SNW1: variants seen among roughly 807,000 people sequenced by gnomAD.
The protein encoded by SNW1 is SNW domain containing 1, also known as SNW domain-containing protein 1.
In SNW1, 9 loss-of-function variants were observed where a neutral mutation model predicts 75.6. The observed-to-expected ratio is 0.12, with a 90% CI of 0.07 to 0.21. The LOEUF (loss-of-function observed/expected upper bound fraction) is 0.21. Among genes scored for constraint, SNW1 ranks in the 10% least tolerant of loss-of-function variants. The probability of loss-of-function intolerance (pLI) is 1.00; values close to 1 mark genes in which losing one functional copy is unlikely to be tolerated. For missense variants in SNW1, 409 were observed against 670.9 expected, an observed-to-expected ratio of 0.61 and a Z score of 4.31; for synonymous variants, 200 against 219.1, an observed-to-expected ratio of 0.91 and a Z score of 0.77.
chr14:77,751,219 AC>A (rs1805236930), intron 3 of SNW1, 99 bp downstream of exon 3: 1 of 1,247,290 alleles, frequency 8.0e-7, no homozygotes, highest in African/African-American at 1.5e-5. Flanking sequence ...AGCCACTGCT[AC>A]TTTTAACATA....
At chr14:77,738,527 C>T (rs1360075878) in intron 5 of SNW1, among the ~76,000 whole-genome samples, 1 of 152,122 alleles carries the variant, frequency 6.6e-6, no homozygotes, top group African/African-American at 2.4e-5. Context: ...CTGCAGTGAG[C>T]TGTGTTGGTG....
chr14:77,730,980 T>C lies in SNW1; in HGVS notation c.1033+8A>G. On this transcript the variant is annotated splice_region_variant and intron_variant, in intron 10 of 13. Coordinates refer to ENST00000261531, the MANE Select transcript of SNW1 (RefSeq NM_012245.3). ...GCAAAATTCAATTCAGTAATGAGAA[T>C]GTCATACCTTTTTCCACATGAGTTT... 1 of 1,611,432 alleles carries C rather than the reference T, an allele frequency of 6.2e-7. No individual in the cohort carries two copies. The highest frequency in any genetic ancestry group is 8.5e-7 in the Non-Finnish European group (1 of 1,179,436).
intron 2 of SNW1, among the ~76,000 whole-genome samples, chr14:77,752,612 A>G (rs2080817044): frequency 6.6e-6 from 1 of 152,208 alleles, no homozygotes. Context: ...CTGAACCCAG[A>G]TCTTTTGAGA....
chr14:77,742,992 G>C (rs544274500), intron 3 of SNW1, among the ~76,000 whole-genome samples: 3 of 151,918 alleles, frequency 2.0e-5, no homozygotes, highest in Non-Finnish European at 4.4e-5. Flanking sequence ...TTAGGAGGCC[G>C]AGGTGGGTGG....
chr14:77,755,003 G>A lies in SNW1; in HGVS notation c.132C>T (p.Tyr44=), dbSNP rs766752061. ...GAGGTATCCAGCCTTTCCGGTATCC[G>A]TACGGGGGAGGTTCTCTTCGGGAGG... ...LVSSRREPPP[Y]GYRKGWIPRL... is the part of the protein sequence containing the mutation. The change falls in exon 2 of 14, where the codon TAC becomes TAT. Residue 44 remains tyrosine (Y), a synonymous_variant. Transcript: ENST00000261531. The A allele has an allele frequency of 1.6e-5, 26 of 1,608,344 alleles. No homozygotes were observed. Among genetic ancestry groups the A allele is most frequent in the Admixed American group, 5.0e-5 (3 of 59,592 alleles).
intron 5 of SNW1, among the ~76,000 whole-genome samples, chr14:77,738,474 T>C (rs1469150506): frequency 6.6e-6 from 1 of 151,668 alleles, no homozygotes; most frequent in African/African-American, 2.4e-5. Context: ...CCAGGCATGG[T>C]GGCATCAAGG....
At chr14:77,730,825 A>T in intron 10 of SNW1, 163 bp downstream of exon 10, 1 of 695,390 alleles carries the variant, frequency 1.4e-6, no homozygotes, top group South Asian at 2.2e-5. Flanking sequence ...CTGTTGCTTC[A>T]GCTTACTAAG....
rs116726359 is a variant in SNW1, at chr14:77,739,505, T to C, written c.331-444A>G. On this transcript the variant is annotated intron_variant, in intron 3 of 13. Coordinates refer to ENST00000261531, the MANE Select transcript of SNW1 (RefSeq NM_012245.3). ...GAAAAATTTTATTGACCTCATCCTATTTATAACGCTTCTCTTTTCTGCCAT... is the reference window on the plus strand; with the variant it reads ...GAAAAATTTTATTGACCTCATCCTACTTATAACGCTTCTCTTTTCTGCCAT... 7.8e-3 allele frequency among the ~76,000 whole-genome samples: 1,192 copies of C among 152,256 alleles called. 12 individuals carry two copies. Among genetic ancestry groups the C allele is most frequent in the African/African-American group, 0.028 (1,146 of 41,538 alleles).
rs2080499545 is a variant in SNW1, at chr14:77,717,696, TTATTTGGCAGGACAGTTCCAG to T, written c.*371_*391del. 9.2e-6 allele frequency: 7 copies of T among 761,242 alleles called. No individual in the cohort carries two copies. Among genetic ancestry groups the T allele is most frequent in the Non-Finnish European group, 1.3e-5 (6 of 467,952 alleles). 47.2% of individuals were successfully genotyped at this position (761,242 alleles called of 1,614,324 possible). A position where few individuals can be genotyped will look rare whatever the true frequency, so the allele number is the denominator to read the frequency against. On this transcript the variant is annotated 3_prime_UTR_variant, in exon 14 of 14. Transcript: ENST00000261531. The stretch of plus-strand genomic sequence containing the variant: ...AAACAGAGCACAATAGGGGCAAAAT[TTATTTGGCAGGACAGTTCCAG>T]TATGTGAACATCTTCCTCCTCACTG...
At chr14:77,724,751 C>T (rs2080571277) in intron 10 of SNW1, among the ~76,000 whole-genome samples, 1 of 152,190 alleles carries the variant, frequency 6.6e-6, no homozygotes, top group Non-Finnish European at 1.5e-5. Flanking sequence ...TCCATTCACC[C>T]ACTGGACACA....
intron 10 of SNW1, among the ~76,000 whole-genome samples, chr14:77,729,046 CTTA>C (rs1468182770): frequency 2.6e-5 from 4 of 152,064 alleles, no homozygotes; most frequent in African/African-American, 9.7e-5. Flanking sequence ...TATATCTCAC[CTTA>C]TTAAGTCATT....
chr14:77,752,686 A>G (rs1247070088), intron 2 of SNW1, among the ~76,000 whole-genome samples: 1 of 152,194 alleles, frequency 6.6e-6, no homozygotes, highest in East Asian at 1.9e-4. Context: ...AAACAGCCAA[A>G]TGAGTACTAT....
Position 77,761,119 on chromosome 14 carries a change from G to C in SNW1, c.9C>G (p.Leu3=), listed in dbSNP as rs987825016. 1 of 1,614,210 alleles carries C rather than the reference G, an allele frequency of 6.2e-7. No homozygotes were observed. The highest frequency in any genetic ancestry group is 8.5e-7 in the Non-Finnish European group (1 of 1,180,044). The change falls in exon 1 of 14, where the codon CTC becomes CTG. Residue 3 remains leucine (L), a synonymous_variant. Transcript: ENST00000261531. MA[L]TSFLPAPTQL... The stretch of plus-strand genomic sequence containing the variant: ...GACCCCAATCAACAACCCACCTGGT[G>C]AGCGCCATCTTCTTCCGCTTCTTCC...
intron 12 of SNW1, among the ~76,000 whole-genome samples, chr14:77,719,933 TTG>T (rs1466120289): frequency 1.3e-4 from 20 of 152,378 alleles, no homozygotes; most frequent in African/African-American, 4.8e-4. Flanking sequence ...TTCTGTATTC[TTG>T]TGTGTGCGCA....
chr14:77,727,629 T>C (rs554355146), intron 10 of SNW1, among the ~76,000 whole-genome samples: 2 of 152,344 alleles, frequency 1.3e-5, no homozygotes, highest in Non-Finnish European at 2.9e-5. Context: ...GCTTTTTCAG[T>C]TTCTACTGAA....
At chr14:77,760,985 A>G (rs1268919875) in intron 1 of SNW1, 129 bp downstream of exon 1, 6 of 1,606,312 alleles carry the variant, frequency 3.7e-6, no homozygotes, top group Non-Finnish European at 5.1e-6. Context: ...GGGAGGGCGT[A>G]GCCGTAGTCT....
At chr14:77,755,909 T>G (rs1036390816) in intron 1 of SNW1, among the ~76,000 whole-genome samples, 4 of 151,168 alleles carry the variant, frequency 2.6e-5, no homozygotes, top group Non-Finnish European at 5.9e-5. Context: ...CACCTAATTT[T>G]TGTATTTTTA....
At position 77,717,967 on chromosome 14, in the gene SNW1, A is replaced by G. The variant is rs1225625531; in HGVS notation, c.*121T>C. 7.4e-6 allele frequency: 6 copies of G among 815,558 alleles called. No homozygotes were observed. Among genetic ancestry groups the G allele is most frequent in the Admixed American group, 2.6e-5 (1 of 38,404 alleles). The allele number at this position is 815,558 out of a possible 1,614,324, so 50.5% of individuals were successfully genotyped here. ...CCCCATTTCTCCAGTAATAAAAAGT[A>G]GTGCTGGGATCTGGCACCCAGATTT... On this transcript the variant is annotated 3_prime_UTR_variant, in exon 14 of 14. Coordinates refer to ENST00000261531, the MANE Select transcript of SNW1 (RefSeq NM_012245.3).
intron 8 of SNW1, among the ~76,000 whole-genome samples, chr14:77,734,491 G>C (rs1356409703): frequency 6.6e-6 from 1 of 152,218 alleles, no homozygotes; most frequent in East Asian, 1.9e-4. Context: ...TGCAATCTAA[G>C]CCCTTTGGGT....
Sources: gnomAD v4.1 joint callset for allele counts (sites outside exome capture counted in the v4.1 genomes callset) on GRCh38, gnomAD v4.1.1 for gene constraint, MANE v1.5 for transcripts, NCBI Gene and HGNC (gene_info 2026-07-23, HGNC 2026-07-21) for gene names.